The following TRPC7 variants were observed in gnomAD, a reference collection of about 807,000 sequenced individuals.
TRPC7 encodes the protein short transient receptor potential channel 7.
In TRPC7, 42 loss-of-function variants were observed where a neutral mutation model predicts 90.1. The observed-to-expected ratio is 0.47, with a 90% CI of 0.36 to 0.60. The LOEUF is 0.60. Among genes scored for constraint, TRPC7 ranks in the 20% least tolerant of loss-of-function variants. TRPC7 has a pLI of 0.00. For synonymous variants in TRPC7, 451 were observed against 436.3 expected (o/e 1.03, Z -0.42); for missense variants, 955 against 1,112.3 (o/e 0.86, Z 2.01).
At chr5:136,335,799 G>A (rs1250013250) in intron 2 of TRPC7, among the ~76,000 whole-genome samples, 1 of 151,440 alleles carries the variant, frequency 6.6e-6, no homozygotes, top group Non-Finnish European at 1.5e-5. Context: ...AGCTACTCGG[G>A]AGGCTGAGGC....
At chr5:136,330,217 G>T (rs1759460408) in intron 2 of TRPC7, among the ~76,000 whole-genome samples, 2 of 152,184 alleles carry the variant, frequency 1.3e-5, no homozygotes. Flanking sequence ...CACCCATTAG[G>T]ATGTAAGAAA....
chr5:136,308,219 G>A lies in TRPC7; in HGVS notation c.963+7378C>T, dbSNP rs190485809. ...GAAAACAAAACTTCCTCATGTAAAA[G>A]CCCTTCTGAGCCAGGAGATTAATGG... On this transcript the variant is annotated intron_variant, in intron 3 of 11. Coordinates refer to ENST00000513104, the MANE Select transcript of TRPC7 (RefSeq NM_020389.3). 1.1e-3 allele frequency among the ~76,000 whole-genome samples: 175 copies of A among 152,324 alleles called. 1 individual carries two copies. The highest frequency in any genetic ancestry group is 0.011 in the South Asian group (55 of 4,832).
chr5:136,281,132 G>A (rs941938953), intron 3 of TRPC7, among the ~76,000 whole-genome samples: 1 of 152,106 alleles, frequency 6.6e-6, no homozygotes, highest in South Asian at 2.1e-4. Flanking sequence ...CTCAACATTC[G>A]AGATGCTGCT....
chr5:136,285,836 G>A (rs1280191275), intron 3 of TRPC7, among the ~76,000 whole-genome samples: 1 of 152,174 alleles, frequency 6.6e-6, no homozygotes. Flanking sequence ...TCTTGCCTCA[G>A]TGCCCCTCCA....
At position 136,360,481 on chromosome 5, in the gene TRPC7, AAT is replaced by A. The variant is rs1491068897; in HGVS notation, c.3-3098_3-3097del. 1.4e-4 allele frequency among the ~76,000 whole-genome samples: 21 copies of A among 151,882 alleles called. 1 individual carries two copies. The highest frequency in any genetic ancestry group is 3.2e-3 in the Middle Eastern group (1 of 316). ...ACAATAATTATGTTTTATCAAAAAA[AAT>A]ATGTGTATAGCTAGTACTTGGCAGA... On this transcript the variant is annotated intron_variant, in intron 1 of 11. Coordinates refer to ENST00000513104, the MANE Select transcript of TRPC7 (RefSeq NM_020389.3).
At chr5:136,222,957 A>T (rs769101509) in intron 10 of TRPC7, among the ~76,000 whole-genome samples, 2 of 152,218 alleles carry the variant, frequency 1.3e-5, no homozygotes, top group Non-Finnish European at 2.9e-5. Flanking sequence ...TTTTAGTGAC[A>T]TCTCAGGGTT....
chr5:136,279,603 A>G (rs1380791109), intron 3 of TRPC7, among the ~76,000 whole-genome samples: 3 of 152,128 alleles, frequency 2.0e-5, no homozygotes, highest in African/African-American at 7.2e-5. Flanking sequence ...GCTCGCTCCA[A>G]ATGACTGCCT....
intron 3 of TRPC7, among the ~76,000 whole-genome samples, chr5:136,287,589 T>C (rs1757764129): frequency 6.6e-6 from 1 of 151,238 alleles, no homozygotes; most frequent in South Asian, 2.1e-4. Flanking sequence ...TCAGGGGTCT[T>C]GCTTCATTTG....
At chr5:136,328,659 G>T (rs1759413560) in intron 2 of TRPC7, among the ~76,000 whole-genome samples, 1 of 152,238 alleles carries the variant, frequency 6.6e-6, no homozygotes, top group African/African-American at 2.4e-5. Context: ...TTATAGGGTT[G>T]TTGCAAGGAG....
chr5:136,257,185 CTTTT>C (rs1381833657), intron 5 of TRPC7, among the ~76,000 whole-genome samples: 2 of 139,118 alleles, frequency 1.4e-5, no homozygotes. Context: ...GTTTTTCTTT[CTTTT>C]TTTTTTTTTT....
intron 7 of TRPC7, among the ~76,000 whole-genome samples, chr5:136,234,441 C>T (rs1325122884): frequency 6.6e-6 from 1 of 152,030 alleles, no homozygotes; most frequent in Non-Finnish European, 1.5e-5. Flanking sequence ...TTCAGAGTAG[C>T]TGGGATTACA....
At chr5:136,261,462 A>G (rs1025138364) in intron 5 of TRPC7, among the ~76,000 whole-genome samples, 10 of 152,106 alleles carry the variant, frequency 6.6e-5, no homozygotes, top group Non-Finnish European at 1.5e-4. Context: ...AAGTGTTCAC[A>G]CTCCTGCTAA....
intron 3 of TRPC7, among the ~76,000 whole-genome samples, chr5:136,280,882 A>G (rs1335612462): frequency 6.6e-6 from 1 of 152,178 alleles, no homozygotes. Flanking sequence ...GGGGTTGGTA[A>G]ATCTCTGTTT....
At chr5:136,314,087 A>G (rs908202429) in intron 3 of TRPC7, 1 of 152,242 alleles carries the variant, frequency 6.6e-6, no homozygotes, top group African/African-American at 2.4e-5. Context: ...AGTTGTGCAT[A>G]ATTAGCCCAA....
chr5:136,315,149 G>T (rs1312794375), intron 3 of TRPC7, among the ~76,000 whole-genome samples: 1 of 152,168 alleles, frequency 6.6e-6, no homozygotes, highest in African/African-American at 2.4e-5. Context: ...GATCCCATAA[G>T]CTCTTTACAT....
rs774263527 is a variant in TRPC7 at position 136,247,749 on chromosome 5, A to G, written c.1580-14T>C. 1.9e-6 allele frequency: 3 copies of G among 1,608,436 alleles called. No homozygotes were observed. Among genetic ancestry groups the G allele is most frequent in the South Asian group, 2.2e-5 (2 of 90,552 alleles). ...ACTTGTCCCTGGCTAAAAGAAAACA[A>G]TCTGGGTTACTCACGAGGCCACAGG... On this transcript the variant is annotated splice_polypyrimidine_tract_variant and intron_variant, in intron 6 of 11. Coordinates refer to ENST00000513104, the MANE Select transcript of TRPC7 (RefSeq NM_020389.3). The surrounding 1 kb of genome is among the most constrained non-coding windows in gnomAD (Gnocchi z 4.2).
chr5:136,266,513 A>C (rs1757039174), intron 4 of TRPC7, 77 bp from the exon 5 acceptor site: 5 of 1,299,848 alleles, frequency 3.8e-6, no homozygotes, highest in Admixed American at 2.2e-5. Context: ...CATCGCTTTC[A>C]CCAAAGTTTA....
At chr5:136,334,015 G>T (rs1759578359) in intron 2 of TRPC7, among the ~76,000 whole-genome samples, 1 of 152,080 alleles carries the variant, frequency 6.6e-6, no homozygotes, top group African/African-American at 2.4e-5. Flanking sequence ...CTTGGCCAGG[G>T]TTGCTGTCTT....
intron 2 of TRPC7, among the ~76,000 whole-genome samples, chr5:136,339,285 T>G (rs1364516629): frequency 6.6e-6 from 1 of 152,212 alleles, no homozygotes; most frequent in Non-Finnish European, 1.5e-5. Flanking sequence ...TTCCTGAAAC[T>G]AACCCCCTCT....
Sources: allele counts gnomAD v4.1 joint callset (sites outside exome capture counted in the v4.1 genomes callset), GRCh38; gene constraint gnomAD v4.1.1; non-coding constraint Gnocchi (gnomAD v3.1); transcripts MANE v1.5; gene names NCBI Gene and HGNC (gene_info 2026-07-23, HGNC 2026-07-21).